The following IFI16 variants were observed in gnomAD, a reference collection of about 807,000 sequenced individuals.
IFI16 encodes the protein interferon gamma inducible protein 16.
A neutral mutation model predicts 68.4 loss-of-function variants in IFI16; 49 were observed. The ratio of observed to expected loss-of-function variants is 0.72; its 90% confidence interval spans 0.57 to 0.91. The LOEUF is 0.91. Ranked by LOEUF, IFI16 falls within the 40% of genes least tolerant of loss-of-function variation. The probability of loss-of-function intolerance (pLI) is 0.00; values close to 1 mark genes in which losing one functional copy is unlikely to be tolerated. For synonymous variants in IFI16, 307 were observed against 315.0 expected (o/e 0.97, Z 0.27); for missense variants, 878 against 942.9 (o/e 0.93, Z 0.90).
chr1:159,034,289 C>T (rs1344838592), intron 7 of IFI16, among the ~76,000 whole-genome samples: 2 of 152,026 alleles, frequency 1.3e-5, no homozygotes, highest in Non-Finnish European at 2.9e-5. Context: ...TTAAATTTCT[C>T]ACTATTAATT....
At chr1:159,022,517 G>T (rs1653403224) in intron 6 of IFI16, among the ~76,000 whole-genome samples, 1 of 152,158 alleles carries the variant, frequency 6.6e-6, no homozygotes, top group Non-Finnish European at 1.5e-5. Context: ...CTCACCTTCT[G>T]TATTTGTCCC....
At chr1:159,027,322 T>C (rs2101855327) in intron 6 of IFI16, among the ~76,000 whole-genome samples, 1 of 152,358 alleles carries the variant, frequency 6.6e-6, no homozygotes, top group South Asian at 2.1e-4. Flanking sequence ...TTGTGTGGTA[T>C]ATCACATTTA....
At chr1:159,015,408 TA>T (rs1373932373) in intron 2 of IFI16, among the ~76,000 whole-genome samples, 9 of 151,880 alleles carry the variant, frequency 5.9e-5, no homozygotes, top group Admixed American at 5.2e-4. Context: ...TATATCAAGT[TA>T]AAAAAAAGGA....
rs1335486927 is a variant in IFI16, at chr1:159,051,553, T to C, written c.1666-126T>C. 4.4e-6 allele frequency: 3 copies of C among 686,068 alleles called. No homozygotes were observed. The East Asian group carries it at 7.6e-5, about 17-fold the overall frequency. 42.5% of individuals were successfully genotyped at this position (686,068 alleles called of 1,614,324 possible). A position where few individuals can be genotyped will look rare whatever the true frequency, so the allele number is the denominator to read the frequency against. On this transcript the variant is annotated intron_variant, in intron 9 of 11. Coordinates refer to ENST00000295809, the MANE Select transcript of IFI16 (RefSeq NM_001376587.1). ...CTATCTCAGTGATCTTTGTCTAGTT[T>C]TCCCTACTTTACCCAGTTAAGGTGA...
chr1:159,016,104 A>G, intron 3 of IFI16, 117 bp downstream of exon 3: 1 of 669,596 alleles, frequency 1.5e-6, no homozygotes, highest in Non-Finnish European at 2.6e-6. Flanking sequence ...CAAGTTTCAG[A>G]TTTACCAAAT....
chr1:159,030,232 A>T (rs1352017395), intron 6 of IFI16, among the ~76,000 whole-genome samples: 1 of 151,840 alleles, frequency 6.6e-6, no homozygotes, highest in Non-Finnish European at 1.5e-5. Context: ...TTAAGTTGGT[A>T]TTCATCCTTC....
intron 8 of IFI16, among the ~76,000 whole-genome samples, chr1:159,045,760 C>T (rs1479133373): frequency 6.6e-6 from 1 of 150,986 alleles, no homozygotes; most frequent in African/African-American, 2.4e-5. Context: ...TAAGGTAGAA[C>T]AAGGTGGGAA....
intron 6 of IFI16, among the ~76,000 whole-genome samples, chr1:159,028,695 C>T (rs534766346): frequency 6.6e-6 from 1 of 152,062 alleles, no homozygotes; most frequent in East Asian, 1.9e-4. Context: ...AATTTGGGAG[C>T]TCCAGTGTTA....
intron 10 of IFI16, chr1:159,052,327 C>T (rs374679707): frequency 1.9e-6 from 1 of 527,784 alleles, no homozygotes; most frequent in Non-Finnish European, 3.4e-6. Context: ...TAGACAGTCA[C>T]TAGGAAACTT....
At chr1:159,009,739 C>T (rs899392286), upstream of IFI16, among the ~76,000 whole-genome samples, 2 of 152,168 alleles carry the variant, frequency 1.3e-5, no homozygotes, top group Admixed American at 1.3e-4. Context: ...TTTCAGTGTG[C>T]ACATCACCCG....
chr1:159,053,157 T>A, intron 10 of IFI16: 2 of 160,074 alleles, frequency 1.2e-5, no homozygotes, highest in Admixed American at 6.4e-5. Flanking sequence ...CAAAGTGCCA[T>A]AAAAAGCCTC....
intron 8 of IFI16, among the ~76,000 whole-genome samples, chr1:159,046,891 A>G (rs1274014215): frequency 1.3e-5 from 2 of 151,344 alleles, no homozygotes; most frequent in African/African-American, 4.8e-5. Flanking sequence ...TTCCCTACTC[A>G]GCAATAAATG....
At chr1:159,003,902 C>T (rs532423527), upstream of IFI16, among the ~76,000 whole-genome samples, 6 of 152,084 alleles carry the variant, frequency 3.9e-5, no homozygotes, top group Non-Finnish European at 5.9e-5. Context: ...CCTTGTGATC[C>T]GCCCGCCTCA....
chr1:159,038,636 G>A (rs1184803629), intron 7 of IFI16, among the ~76,000 whole-genome samples: 2 of 152,164 alleles, frequency 1.3e-5, no homozygotes. Context: ...TGAGTTGCTG[G>A]GGTTACATGC....
upstream of IFI16, among the ~76,000 whole-genome samples, chr1:159,002,309 A>T (rs1466318744): frequency 2.0e-5 from 3 of 152,142 alleles, no homozygotes; most frequent in Non-Finnish European, 4.4e-5. Flanking sequence ...TTCTCTGTTT[A>T]AAAAAATTAA....
chr1:159,018,415 A>G lies in IFI16; in HGVS notation c.736A>G (p.Asn246Asp). 6.2e-7 allele frequency: 1 copy of G among 1,614,122 alleles called. No homozygotes were observed. Residue 246 changes from asparagine (N) to aspartate (D), a missense_variant, in exon 5 of 12, where the codon AAC becomes GAC. Asn to Asp is a conservative substitution (Grantham distance 23). This residue lies in a region of IFI16 where 443 missense variants were observed against 421.8 expected (regional missense o/e 1.05). Coordinates refer to ENST00000295809, the MANE Select transcript of IFI16 (RefSeq NM_001376587.1). ...ACAGTTCTTCCATGTGAAGGTTTTA[A>G]ACACCAGCTTGAAGGAGAAATTCAA... Reference protein sequence around the residue: ...QTQFFHVKVLNTSLKEKFNGK... With the variant: ...QTQFFHVKVLDTSLKEKFNGK...
chr1:159,033,007 C>T (rs1654104349), intron 7 of IFI16, among the ~76,000 whole-genome samples: 1 of 151,780 alleles, frequency 6.6e-6, no homozygotes, highest in African/African-American at 2.4e-5. Context: ...GCGTTCAGAT[C>T]CTACATTCCC....
chr1:159,026,181 T>C (rs1157378635), intron 6 of IFI16, among the ~76,000 whole-genome samples: 1 of 149,396 alleles, frequency 6.7e-6, no homozygotes, highest in Non-Finnish European at 1.5e-5. Context: ...TTTGGTTCCA[T>C]ATGAATTTTA....
rs1202760320 is a variant in IFI16, at chr1:159,051,667, C to A, written c.1666-12C>A. On this transcript the variant is annotated splice_polypyrimidine_tract_variant and intron_variant, in intron 9 of 11. Coordinates refer to ENST00000295809, the MANE Select transcript of IFI16 (RefSeq NM_001376587.1). Reference sequence around the variant, plus strand: ...TTTAATTGTGCCTATGTTTTGGTCTCTACCTTCTAAGTTGAAACCAAGACT... The same window carrying A: ...TTTAATTGTGCCTATGTTTTGGTCTATACCTTCTAAGTTGAAACCAAGACT... The A allele has an allele frequency of 6.2e-7, 1 of 1,601,828 alleles. No individual in the cohort carries two copies. The highest frequency in any genetic ancestry group is 1.1e-5 in the South Asian group (1 of 90,128).
Sources: allele counts gnomAD v4.1 joint callset (sites outside exome capture counted in the v4.1 genomes callset), GRCh38; gene constraint gnomAD v4.1.1; regional missense constraint gnomAD v4.1.1; transcripts MANE v1.5; gene names NCBI Gene and HGNC (gene_info 2026-07-23, HGNC 2026-07-21).